Variants in ATP8A2 observed in about 807,000 individuals in gnomAD.
The protein encoded by ATP8A2 is ATPase phospholipid transporting 8A2.
ATP8A2 carries 100 observed loss-of-function variants against 165.6 expected under a neutral mutation model. The ratio of observed to expected loss-of-function variants is 0.60; its 90% CI spans 0.51 to 0.71. The LOEUF (loss-of-function observed/expected upper bound fraction) is 0.71. Ranked by LOEUF, ATP8A2 falls within the 30% of genes least tolerant of loss-of-function variation. The probability of loss-of-function intolerance (pLI) is 0.00; values close to 1 mark genes in which losing one functional copy is unlikely to be tolerated. For missense variants in ATP8A2, 1,227 were observed against 1,479.5 expected, an observed-to-expected ratio of 0.83 and a Z score of 2.80; for synonymous variants, 543 against 548.8, an observed-to-expected ratio of 0.99 and a Z score of 0.15.
chr13:25,435,639 G>T (rs531329116), intron 1 of ATP8A2, among the ~76,000 whole-genome samples: 1 of 151,968 alleles, frequency 6.6e-6, no homozygotes, highest in Non-Finnish European at 1.5e-5. Context: ...TTTACGTGTT[G>T]TTCTTTTTCT....
chr13:25,394,270 G>T lies in ATP8A2; in HGVS notation c.76+21982G>T, dbSNP rs1057146238. On this transcript the variant is annotated intron_variant, in intron 1 of 36. Transcript: ENST00000381655. ...TGGTAGGCTGAGAGTCTAGTGGAAG[G>T]AGAGCTCATTACTGGCTAGCAGTGA... Among the ~76,000 whole-genome samples the T allele has an allele frequency of 1.1e-4, 16 of 152,346 alleles. 1 individual carries two copies. Among genetic ancestry groups the T allele is most frequent in the Admixed American group, 8.5e-4 (13 of 15,302 alleles).
Position 25,968,819 on chromosome 13 carries a change from A to G in ATP8A2, c.3377+140A>G. 1.1e-5 allele frequency: 7 copies of G among 665,472 alleles called. No homozygotes were observed. In the South Asian group the frequency reaches 1.3e-4, roughly 13 times the overall value. 41.2% of individuals were successfully genotyped at this position (665,472 alleles called of 1,614,324 possible). The stretch of plus-strand genomic sequence containing the variant: ...AGGCTTAAGAATTTTGGTTATTCTC[A>G]GATTTAAATCACACTCTCAGTGACT... On this transcript the variant is annotated intron_variant, in intron 35 of 36. Transcript: ENST00000381655.
At chr13:25,559,832 T>C in intron 15 of ATP8A2, 67 bp downstream of exon 15, 1 of 1,213,090 alleles carries the variant, frequency 8.2e-7, no homozygotes, top group Non-Finnish European at 1.2e-6. Context: ...TTTATTATTA[T>C]TCATTTACAT....
intron 25 of ATP8A2, among the ~76,000 whole-genome samples, chr13:25,735,639 A>G (rs1243540713): frequency 6.6e-6 from 1 of 152,136 alleles, no homozygotes; most frequent in Non-Finnish European, 1.5e-5. Flanking sequence ...TCAGGAGGAT[A>G]AGGGAAACAG....
intron 18 of ATP8A2, among the ~76,000 whole-genome samples, chr13:25,572,462 T>TC (rs1229327283): frequency 6.6e-6 from 1 of 152,090 alleles, no homozygotes; most frequent in Non-Finnish European, 1.5e-5. Context: ...ATATGAGGGA[T>TC]CCCCCCTGCA....
At chr13:25,556,607 T>G (rs556170805) in intron 13 of ATP8A2, among the ~76,000 whole-genome samples, 1 of 152,358 alleles carries the variant, frequency 6.6e-6, no homozygotes, top group South Asian at 2.1e-4. Flanking sequence ...GTCCAGAAGC[T>G]CTTTAGTTTA....
chr13:25,764,246 A>G (rs1456149650), intron 25 of ATP8A2, among the ~76,000 whole-genome samples: 2 of 152,114 alleles, frequency 1.3e-5, no homozygotes, highest in African/African-American at 2.4e-5. Context: ...TTTTGCCCCT[A>G]CCACCTTCTT....
intron 33 of ATP8A2, among the ~76,000 whole-genome samples, chr13:25,895,970 T>G (rs1275510261): frequency 6.6e-6 from 1 of 152,178 alleles, no homozygotes; most frequent in Admixed American, 6.5e-5. Flanking sequence ...TTTGTTGATC[T>G]TTTCAAAAAA....
chr13:25,707,624 A>G (rs978472198), intron 25 of ATP8A2, among the ~76,000 whole-genome samples: 1 of 152,266 alleles, frequency 6.6e-6, no homozygotes, highest in Non-Finnish European at 1.5e-5. Flanking sequence ...CGTGGATAAC[A>G]TGTTGAGAAT....
intron 24 of ATP8A2, among the ~76,000 whole-genome samples, chr13:25,698,078 G>A (rs533105031): frequency 4.2e-4 from 64 of 152,038 alleles, no homozygotes; most frequent in Non-Finnish European, 8.2e-4. Flanking sequence ...CTTAATAGTC[G>A]TCTTCCAGAC....
rs572793558 is a variant in ATP8A2, at chr13:25,960,645, A to G, written c.3184-930A>G. ...AGCTCCAGGCTCCGGGCTTTTGCTC[A>G]TTCAAAACCAAAATTGAAGGCATCT... On this transcript the variant is annotated intron_variant, in intron 33 of 36. Coordinates refer to ENST00000381655, the MANE Select transcript of ATP8A2 (RefSeq NM_016529.6). 9.9e-5 allele frequency among the ~76,000 whole-genome samples: 15 copies of G among 152,164 alleles called. No individual in the cohort carries two copies. The South Asian group carries it at 3.1e-3, about 32-fold the overall frequency.
intron 24 of ATP8A2, among the ~76,000 whole-genome samples, chr13:25,646,536 A>G (rs2041675641): frequency 1.3e-5 from 2 of 151,438 alleles, no homozygotes; most frequent in South Asian, 4.2e-4. Flanking sequence ...GGCGCCTGTA[A>G]TCCCAGCTGC....
At position 25,791,532 on chromosome 13, in the gene ATP8A2, CACACACACAT is replaced by C. The variant is rs1466830142; in HGVS notation, c.2679+16583_2679+16592del. On this transcript the variant is annotated intron_variant, in intron 27 of 36. Coordinates refer to ENST00000381655, the MANE Select transcript of ATP8A2 (RefSeq NM_016529.6). ...GCACATGTATCCCCGAACTTAAACA[CACACACACAT>C]ACACACACACACACACACACACACA... Among the ~76,000 whole-genome samples the C allele has an allele frequency of 5.6e-4, 72 of 129,690 alleles. 1 individual carries two copies. The highest frequency in any genetic ancestry group is 1.7e-3 in the African/African-American group (58 of 34,032). 85.1% of individuals were successfully genotyped at this position (129,690 alleles called of 152,430 possible).
chr13:25,879,602 C>G (rs553882190), intron 33 of ATP8A2, among the ~76,000 whole-genome samples: 56 of 152,316 alleles, frequency 3.7e-4, no homozygotes, highest in African/African-American at 1.3e-3. Flanking sequence ...ATTCTGGACT[C>G]CACCCTCCAA....
chr13:25,435,867 C>T (rs2034744662), intron 1 of ATP8A2, among the ~76,000 whole-genome samples: 1 of 151,740 alleles, frequency 6.6e-6, no homozygotes, highest in Non-Finnish European at 1.5e-5. Flanking sequence ...AAACTGTAGA[C>T]TAAAATGATC....
At chr13:25,986,212 G>A (rs190769602) in intron 35 of ATP8A2, among the ~76,000 whole-genome samples, 22 of 152,288 alleles carry the variant, frequency 1.4e-4, no homozygotes, top group African/African-American at 4.8e-4. Context: ...TTACCCTTGT[G>A]TGTGTGGTGA....
intron 24 of ATP8A2, among the ~76,000 whole-genome samples, chr13:25,605,605 A>G (rs879388763): frequency 2.6e-5 from 4 of 152,140 alleles, no homozygotes; most frequent in Non-Finnish European, 5.9e-5. Context: ...GCCTGTGTGT[A>G]TATTGGTAGC....
At chr13:25,472,890 G>A (rs939679870) in intron 2 of ATP8A2, among the ~76,000 whole-genome samples, 1 of 152,200 alleles carries the variant, frequency 6.6e-6, no homozygotes, top group Non-Finnish European at 1.5e-5. Flanking sequence ...CATAGCAGTT[G>A]CTCTGCGCTT....
intron 24 of ATP8A2, among the ~76,000 whole-genome samples, chr13:25,674,960 C>T (rs2042343393): frequency 6.6e-6 from 1 of 152,150 alleles, no homozygotes; most frequent in African/African-American, 2.4e-5. Context: ...TTTCAGTCAC[C>T]AAAAGGACGT....
Sources: gnomAD v4.1 joint callset for allele counts (sites outside exome capture counted in the v4.1 genomes callset) on GRCh38, gnomAD v4.1.1 for gene constraint, MANE v1.5 for transcripts, NCBI Gene and HGNC (gene_info 2026-07-23, HGNC 2026-07-21) for gene names.